HPSE2: variants seen among roughly 807,000 people sequenced by gnomAD.
The protein encoded by HPSE2 is heparanase 2 (inactive).
HPSE2 carries 38 observed loss-of-function variants against 60.5 expected under a neutral mutation model. The observed-to-expected ratio is 0.63, with a 90% CI of 0.48 to 0.82. The LOEUF (loss-of-function observed/expected upper bound fraction) is 0.82, where lower values mean the gene tolerates loss of function less well. Ranked by LOEUF, HPSE2 falls within the 40% of genes least tolerant of loss-of-function variation. The pLI, the probability that HPSE2 is intolerant of heterozygous loss-of-function variation, is 0.00. For missense variants in HPSE2, 713 were observed against 740.4 expected (o/e 0.96, Z 0.43); for synonymous variants, 295 against 293.2 (o/e 1.01, Z -0.06).
chr10:99,206,178 G>A (rs528919107), intron 2 of HPSE2, among the ~76,000 whole-genome samples: 9 of 152,220 alleles, frequency 5.9e-5, no homozygotes, highest in Admixed American at 1.3e-4. Flanking sequence ...CTGTGAAACT[G>A]TCAGTGCAGC....
intron 3 of HPSE2, among the ~76,000 whole-genome samples, chr10:98,959,455 C>T (rs1252330452): frequency 6.6e-6 from 1 of 151,634 alleles, no homozygotes; most frequent in South Asian, 2.1e-4. Context: ...AAAGGTCTAG[C>T]TCATAAATAA....
At chr10:98,740,089 T>C (rs990413456) in intron 4 of HPSE2, among the ~76,000 whole-genome samples, 1 of 152,126 alleles carries the variant, frequency 6.6e-6, no homozygotes, top group Non-Finnish European at 1.5e-5. Context: ...TTTAGGGAAA[T>C]ATGTTATATC....
chr10:99,149,644 T>C (rs890006429), intron 2 of HPSE2, among the ~76,000 whole-genome samples: 4 of 152,156 alleles, frequency 2.6e-5, no homozygotes, highest in African/African-American at 9.7e-5. Flanking sequence ...AATAATAACA[T>C]CACATTGTAA....
At chr10:99,178,189 T>C (rs763050273) in intron 2 of HPSE2, among the ~76,000 whole-genome samples, 1 of 151,360 alleles carries the variant, frequency 6.6e-6, no homozygotes, top group African/African-American at 2.4e-5. Context: ...ATCAACACTG[T>C]AACATCACAA....
intron 3 of HPSE2, among the ~76,000 whole-genome samples, chr10:98,929,262 A>G (rs1444875885): frequency 7.0e-6 from 1 of 143,672 alleles, no homozygotes; most frequent in Non-Finnish European, 1.5e-5. Flanking sequence ...GCATCAGTGG[A>G]CACTGCAGAT....
At chr10:99,013,566 G>A in intron 3 of HPSE2, 1 of 239,330 alleles carries the variant, frequency 4.2e-6, no homozygotes, top group Non-Finnish European at 8.2e-6. Context: ...CCGCCTCCCA[G>A]GTTCAAGCAA....
At chr10:98,932,019 G>C (rs544090348) in intron 3 of HPSE2, among the ~76,000 whole-genome samples, 1 of 143,760 alleles carries the variant, frequency 7.0e-6, no homozygotes, top group South Asian at 2.1e-4. Flanking sequence ...AAAAGGAGTG[G>C]TGAGAGAGGG....
At chr10:98,608,841 G>C (rs1004700259) in intron 9 of HPSE2, among the ~76,000 whole-genome samples, 1 of 152,024 alleles carries the variant, frequency 6.6e-6, no homozygotes. Flanking sequence ...GAGAAAGGCG[G>C]CTTCACCAAG....
intron 3 of HPSE2, among the ~76,000 whole-genome samples, chr10:98,941,209 C>G (rs1284900273): frequency 7.4e-6 from 1 of 135,952 alleles, no homozygotes; most frequent in Non-Finnish European, 1.5e-5. Context: ...TCCTATTCAA[C>G]ATAGTGTTGG....
chr10:99,030,524 C>A (rs1027128386), intron 3 of HPSE2, among the ~76,000 whole-genome samples: 6 of 152,146 alleles, frequency 3.9e-5, no homozygotes, highest in African/African-American at 1.4e-4. Context: ...AAAAGGGAAA[C>A]CTTGTACCCT....
At chr10:99,313,449 A>G in the HPSE2 span, among the ~76,000 whole-genome samples, 2 of 152,196 alleles carry the variant, frequency 1.3e-5, no homozygotes, top group Admixed American at 1.3e-4. Flanking sequence ...CTTCTAATGG[A>G]TAAGCAAAGA....
intron 3 of HPSE2, among the ~76,000 whole-genome samples, chr10:99,136,914 T>A (rs979585272): frequency 6.6e-6 from 1 of 152,060 alleles, no homozygotes; most frequent in Non-Finnish European, 1.5e-5. Flanking sequence ...AAGAAAGAAA[T>A]AAAGCGTATT....
At chr10:98,871,861 G>C (rs1952741319) in intron 3 of HPSE2, among the ~76,000 whole-genome samples, 1 of 152,100 alleles carries the variant, frequency 6.6e-6, no homozygotes, top group Non-Finnish European at 1.5e-5. Context: ...TATCTACTGT[G>C]AAAACAGCCT....
At chr10:99,099,256 T>A (rs1843844219) in intron 3 of HPSE2, among the ~76,000 whole-genome samples, 1 of 152,228 alleles carries the variant, frequency 6.6e-6, no homozygotes, top group Non-Finnish European at 1.5e-5. Context: ...AGGGAAGCTG[T>A]GACAGACGGC....
intron 11 of HPSE2, 44 bp downstream of exon 11, chr10:98,482,592 T>G: frequency 6.2e-7 from 1 of 1,613,088 alleles, no homozygotes; most frequent in Non-Finnish European, 8.5e-7. Flanking sequence ...CTCCCTCAGC[T>G]CCTGCTGCAC....
intron 9 of HPSE2, among the ~76,000 whole-genome samples, chr10:98,499,339 C>T (rs756633025): frequency 6.6e-6 from 1 of 152,120 alleles, no homozygotes; most frequent in African/African-American, 2.4e-5. Context: ...GGGATTGGGG[C>T]CCTATCTTCA....
intron 3 of HPSE2, among the ~76,000 whole-genome samples, chr10:98,855,717 C>T (rs1952297716): frequency 6.6e-6 from 1 of 152,136 alleles, no homozygotes; most frequent in African/African-American, 2.4e-5. Context: ...CAATGCCAAT[C>T]TAAGACTAAG....
At position 98,805,247 on chromosome 10, in the gene HPSE2, C is replaced by A. The variant is rs1346981688; in HGVS notation, c.611-61191G>T. ...TGGGAGTTATTTATATCCTACTACT[C>A]AAGGTCATCGCCAAGGTCTGATTTT... is the stretch of plus-strand genomic sequence containing the variant. On this transcript the variant is annotated intron_variant, in intron 3 of 11. Transcript: ENST00000370552. Among the ~76,000 whole-genome samples the A allele has an allele frequency of 5.3e-5, 8 of 152,104 alleles. No individual in the cohort carries two copies. In the East Asian group the frequency reaches 1.4e-3, roughly 26 times the overall value.
intron 9 of HPSE2, among the ~76,000 whole-genome samples, chr10:98,499,722 A>T (rs1941967201): frequency 6.6e-6 from 1 of 152,226 alleles, no homozygotes; most frequent in African/African-American, 2.4e-5. Flanking sequence ...CACTTAAAAG[A>T]TACAGAACTG....
Sources: allele counts gnomAD v4.1 joint callset (sites outside exome capture counted in the v4.1 genomes callset), GRCh38; gene constraint gnomAD v4.1.1; transcripts MANE v1.5; gene names NCBI Gene and HGNC (gene_info 2026-07-23, HGNC 2026-07-21).